TFIP11: variants seen among roughly 807,000 people sequenced by gnomAD.
TFIP11 encodes tuftelin-interacting protein 11.
Under a neutral mutation model 96.8 loss-of-function variants are expected in TFIP11, and 86 were observed. That is an observed-to-expected ratio of 0.89 (90% CI 0.75 to 1.06). The LOEUF is 1.06. Among genes scored for constraint, TFIP11 ranks in the 50% least tolerant of loss-of-function variants. The pLI, the probability that TFIP11 is intolerant of heterozygous loss-of-function variation, is 0.00. For missense variants in TFIP11, 881 were observed against 1,076.7 expected, an observed-to-expected ratio of 0.82 and a Z score of 2.54; for synonymous variants, 405 against 395.2, an observed-to-expected ratio of 1.02 and a Z score of -0.29.
chr22:26,505,333 T>C (rs1244793320), intron 6 of TFIP11, among the ~76,000 whole-genome samples: 1 of 152,178 alleles, frequency 6.6e-6, no homozygotes, highest in East Asian at 1.9e-4. Context: ...AAGATGGAAG[T>C]AACCAATGCA....
chr22:26,498,458 G>A (rs535721629), intron 10 of TFIP11, among the ~76,000 whole-genome samples: 82 of 150,762 alleles, frequency 5.4e-4, no homozygotes, highest in African/African-American at 1.9e-3. Context: ...CAGGAGAATC[G>A]CTTGAACCAG....
rs2147151759 is a variant in TFIP11, at chr22:26,510,063, C to T, written c.209+1G>A. The T allele has an allele frequency of 6.2e-7, 1 of 1,613,020 alleles. No homozygotes were observed. The highest frequency in any genetic ancestry group is 2.2e-5 in the East Asian group (1 of 44,886). ...GAAGCAGCCCCCATGCCAGGCAATA[C>T]CGTTTGCCTCCAAAGCTGGGCCTCT... On this transcript the variant is annotated splice_donor_variant, in intron 4 of 14. Transcript: ENST00000407690. LOFTEE classifies it high-confidence loss of function.
chr22:26,495,682 A>ATATG (rs1555920628), intron 12 of TFIP11, among the ~76,000 whole-genome samples: 15 of 146,080 alleles, frequency 1.0e-4, no homozygotes, highest in African/African-American at 1.8e-4. Context: ...ATATACATAT[A>ATATG]TGTGTGTGTG....
chr22:26,507,078 A>G, intron 4 of TFIP11, 150 bp from the exon 5 acceptor site: 4 of 998,508 alleles, frequency 4.0e-6, no homozygotes, highest in East Asian at 5.3e-5. Context: ...TAATGTGTCA[A>G]AAAATCCAAA....
At chr22:26,495,707 T>A (rs898113996) in intron 12 of TFIP11, among the ~76,000 whole-genome samples, 1 of 151,670 alleles carries the variant, frequency 6.6e-6, no homozygotes, top group Non-Finnish European at 1.5e-5. Context: ...TGTGTATGTA[T>A]ATATATTTTT....
chr22:26,491,483 G>A lies in TFIP11; in HGVS notation c.*530C>T. 2 of 1,613,350 alleles carry A rather than the reference G, an allele frequency of 1.2e-6. No individual in the cohort carries two copies. The highest frequency in any genetic ancestry group is 8.5e-7 in the Non-Finnish European group (1 of 1,179,916). ...CTCAGATTTTAAAAGGACTGGAGGA[G>A]CTTGAGTTTCCTCAGACTTCACAAT... On this transcript the variant is annotated 3_prime_UTR_variant, in exon 15 of 15. Transcript: ENST00000407690.
rs117809870 is a variant in TFIP11, at chr22:26,498,763, G to A, written c.1436+106C>T. 3.4e-3 allele frequency: 2,822 copies of A among 820,700 alleles called. 12 individuals carry two copies. The highest frequency in any genetic ancestry group is 3.6e-3 in the Non-Finnish European group (1,784 of 491,276). The allele number at this position is 820,700 out of a possible 1,614,324, so 50.8% of individuals were successfully genotyped here. The stretch of plus-strand genomic sequence containing the variant: ...TCCTAAAGCACTGTCAGCATGAGCA[G>A]AGAATTAATCAAGGCCAGCACTGCT... On this transcript the variant is annotated intron_variant, in intron 10 of 14. Coordinates refer to ENST00000407690, the MANE Select transcript of TFIP11 (RefSeq NM_012143.4).
chr22:26,497,012 G>A, intron 10 of TFIP11, 123 bp from the exon 11 acceptor site: 1 of 1,181,174 alleles, frequency 8.5e-7, no homozygotes, highest in Non-Finnish European at 1.2e-6. Context: ...CCAATCAGAG[G>A]AAACCATCAG....
chr22:26,495,666 G>GTA (rs553863933), intron 12 of TFIP11, among the ~76,000 whole-genome samples: 4 of 143,386 alleles, frequency 2.8e-5, no homozygotes, highest in Admixed American at 1.4e-4. Flanking sequence ...ATGCATGTGT[G>GTA]TATATATATA....
chr22:26,491,539 A>G lies in TFIP11; in HGVS notation c.*474T>C. ...GACATATTTAATGATACCTCTGTCC[A>G]CTGGTTCCCTGTGCAAAAGCTAGAA... On this transcript the variant is annotated 3_prime_UTR_variant, in exon 15 of 15. Coordinates refer to ENST00000407690, the MANE Select transcript of TFIP11 (RefSeq NM_012143.4). 5 of 1,614,134 alleles carry G rather than the reference A, an allele frequency of 3.1e-6. No homozygotes were observed. The highest frequency in any genetic ancestry group is 4.2e-6 in the Non-Finnish European group (5 of 1,179,986).
intron 8 of TFIP11, among the ~76,000 whole-genome samples, chr22:26,499,950 T>C (rs1193638983): frequency 6.6e-6 from 1 of 152,174 alleles, no homozygotes. Flanking sequence ...AATGGAAAGG[T>C]AGAAGCTGTA....
chr22:26,496,867 G>A lies in TFIP11; in HGVS notation c.1459C>T (p.Pro487Ser), dbSNP rs902166756. 4 of 1,614,050 alleles carry A rather than the reference G, an allele frequency of 2.5e-6. No individual in the cohort carries two copies. The African/African-American group carries it at 5.3e-5, about 22-fold the overall frequency. The change falls in exon 11 of 15, where the codon CCT becomes TCT. Residue 487 changes from proline (P) to serine (S), a missense_variant. Coordinates refer to ENST00000407690, the MANE Select transcript of TFIP11 (RefSeq NM_012143.4). ...FHRLIWEVWMPFVRNIVTQWQ... is the reference protein window; with the variant it reads ...FHRLIWEVWMSFVRNIVTQWQ... The stretch of plus-strand genomic sequence containing the variant: ...TGGGTGACAATATTTCGAACAAAAG[G>A]CATCCAGACTTCCCATATCAACCTA...
At chr22:26,503,001 A>G (rs1047031922) in intron 7 of TFIP11, among the ~76,000 whole-genome samples, 1 of 152,226 alleles carries the variant, frequency 6.6e-6, no homozygotes, top group Non-Finnish European at 1.5e-5. Flanking sequence ...GAAGAGTAAC[A>G]TGTCTCTTTG....
chr22:26,492,096 T>G lies in TFIP11; in HGVS notation c.2431A>C (p.Ile811Leu). 1 of 1,614,058 alleles carries G rather than the reference T, an allele frequency of 6.2e-7. No individual in the cohort carries two copies. Among genetic ancestry groups the G allele is most frequent in the Non-Finnish European group, 8.5e-7 (1 of 1,179,956 alleles). The change falls in exon 15 of 15, where the codon ATC becomes CTC. Residue 811 changes from isoleucine (I) to leucine (L), a missense_variant. By Grantham distance (5) the Ile-to-Leu change is conservative. Transcript: ENST00000407690. ...TGGACAAAGACCACTCCCCGGTCGA[T>G]GTAGATCACAATGCGGCCAAAGGTG... is the stretch of plus-strand genomic sequence containing the variant. ...LYTFGRIVIY[I>L]DRGVVFVQGE... is the part of the protein sequence containing the mutation.
At chr22:26,500,562 A>C (rs1922651357) in intron 8 of TFIP11, among the ~76,000 whole-genome samples, 2 of 152,230 alleles carry the variant, frequency 1.3e-5, no homozygotes, top group African/African-American at 4.8e-5. Flanking sequence ...GGAAAACAGG[A>C]AATGTGAATA....
intron 10 of TFIP11, 54 bp downstream of exon 10, chr22:26,498,815 C>T: frequency 6.8e-7 from 1 of 1,480,458 alleles, no homozygotes; most frequent in Non-Finnish European, 9.4e-7. Context: ...AGCAATCCTT[C>T]CCAACCCCCC....
Position 26,503,709 on chromosome 22 carries a change from A to G in TFIP11, c.605T>C (p.Met202Thr). 6.2e-7 allele frequency: 1 copy of G among 1,614,032 alleles called. No individual in the cohort carries two copies. Among genetic ancestry groups the G allele is most frequent in the Middle Eastern group, 1.6e-4 (1 of 6,062 alleles). ...AYGSERTTQSMQDFPVVDSEE... is the reference protein window; with the variant it reads ...AYGSERTTQSTQDFPVVDSEE... ...TGAGTCAACCACAGGGAAGTCTTGC[A>G]TGGACTGAGTGGTGCGCTCGGATCC... Residue 202 changes from methionine to threonine, a missense_variant, in exon 7 of 15, where the codon ATG (methionine) becomes ACG (threonine). Met to Thr is a moderately conservative substitution (Grantham distance 81). Transcript: ENST00000407690.
intron 4 of TFIP11, 120 bp downstream of exon 4, chr22:26,509,944 G>T: frequency 1.0e-6 from 1 of 987,474 alleles, no homozygotes; most frequent in Non-Finnish European, 1.5e-6. Context: ...TGATGTCACA[G>T]CTAACAGTCT....
At chr22:26,500,004 T>C (rs1922579179) in intron 8 of TFIP11, among the ~76,000 whole-genome samples, 2 of 152,190 alleles carry the variant, frequency 1.3e-5, no homozygotes, top group African/African-American at 2.4e-5. Context: ...CACATTTTGA[T>C]TTAAAAAATG....
Sources: allele counts gnomAD v4.1 joint callset (sites outside exome capture counted in the v4.1 genomes callset), GRCh38; gene constraint gnomAD v4.1.1; transcripts MANE v1.5; gene names NCBI Gene and HGNC (gene_info 2026-07-23, HGNC 2026-07-21).